RFX3: variants seen among roughly 807,000 people sequenced by gnomAD.
The protein encoded by RFX3 is regulatory factor X3, also known as transcription factor RFX3.
In RFX3, 14 loss-of-function variants were observed where a neutral mutation model predicts 98.6. The ratio of observed to expected loss-of-function variants is 0.14; its 90% CI spans 0.09 to 0.22. The LOEUF (loss-of-function observed/expected upper bound fraction) is 0.22. RFX3 is among the 10% of genes least tolerant of loss of function. The pLI, the probability that RFX3 is intolerant of heterozygous loss-of-function variation, is 1.00. For missense variants in RFX3, 639 were observed against 926.9 expected (o/e 0.69, Z 4.03); for synonymous variants, 383 against 328.4 (o/e 1.17, Z -1.80).
At chr9:3,303,485 G>C (rs1245526166) in intron 4 of RFX3, among the ~76,000 whole-genome samples, 1 of 151,710 alleles carries the variant, frequency 6.6e-6, no homozygotes, top group Non-Finnish European at 1.5e-5. Context: ...TTTCAGTCTA[G>C]TAAATATAAA....
intron 2 of RFX3, among the ~76,000 whole-genome samples, chr9:3,357,254 C>T (rs372515800): frequency 4.3e-4 from 65 of 151,956 alleles, no homozygotes; most frequent in African/African-American, 1.5e-3. Flanking sequence ...ATAGCCTCTC[C>T]GCTCCTTTAT....
chr9:3,292,061 C>CAAAAAA lies in RFX3; in HGVS notation c.731+1010_731+1015dup, dbSNP rs58788880. Among the ~76,000 whole-genome samples, 56 of 23,946 alleles carry CAAAAAA rather than the reference C, an allele frequency of 2.3e-3. 6 individuals are homozygous for CAAAAAA. The highest frequency in any genetic ancestry group is 6.5e-3 in the South Asian group (2 of 308). 15.7% of individuals were successfully genotyped at this position (23,946 alleles called of 152,430 possible). A position where few individuals can be genotyped will look rare whatever the true frequency, so the allele number is the denominator to read the frequency against. On this transcript the variant is annotated intron_variant, in intron 6 of 16. Transcript: ENST00000617270. Reference sequence around the variant, plus strand: ...ACAGAAACAGAGTGAGACTCCATCTCAAAAAAAAAAAAAAAAAAAAAAAAA... The same window carrying CAAAAAA: ...ACAGAAACAGAGTGAGACTCCATCTCAAAAAAAAAAAAAAAAAAAAAAAAAAAAAAA...
intron 1 of RFX3, among the ~76,000 whole-genome samples, chr9:3,523,222 T>C (rs1469762870): frequency 6.6e-6 from 1 of 152,186 alleles, no homozygotes; most frequent in Admixed American, 6.5e-5. Context: ...ATAGTTTTAG[T>C]TTCAAAGCAT....
chr9:3,235,308 G>A (rs775426308), intron 15 of RFX3, among the ~76,000 whole-genome samples: 1 of 152,168 alleles, frequency 6.6e-6, no homozygotes, highest in Non-Finnish European at 1.5e-5. Flanking sequence ...TTCAGCGTGG[G>A]TCATCAATGG....
chr9:3,522,624 T>C (rs1181946043), intron 1 of RFX3, among the ~76,000 whole-genome samples: 2 of 151,402 alleles, frequency 1.3e-5, no homozygotes, highest in Non-Finnish European at 2.9e-5. Flanking sequence ...TGCCCACCCA[T>C]TTAAACACAA....
intron 1 of RFX3, among the ~76,000 whole-genome samples, chr9:3,420,041 GA>G (rs1046925498): frequency 5.3e-5 from 8 of 152,186 alleles, no homozygotes; most frequent in Admixed American, 3.9e-4. Flanking sequence ...GCACAGGAGG[GA>G]GACTAGCTAA....
intron 15 of RFX3, among the ~76,000 whole-genome samples, chr9:3,232,821 TGA>T (rs1204257660): frequency 3.0e-5 from 3 of 99,870 alleles, no homozygotes; most frequent in Non-Finnish European, 6.0e-5. Flanking sequence ...GGATGTGGGG[TGA>T]GAGAGGGAGG....
chr9:3,510,968 A>C (rs568310025), intron 1 of RFX3, among the ~76,000 whole-genome samples: 28 of 152,022 alleles, frequency 1.8e-4, no homozygotes, highest in Non-Finnish European at 3.5e-4. Flanking sequence ...AAATAAGATC[A>C]TTTAATTAGT....
At chr9:3,399,298 G>C (rs1448395245) in intron 1 of RFX3, among the ~76,000 whole-genome samples, 1 of 148,150 alleles carries the variant, frequency 6.7e-6, no homozygotes, top group Non-Finnish European at 1.5e-5. Context: ...AAAAAAATCA[G>C]CTGGTCATGG....
chr9:3,323,027 G>A lies in RFX3; in HGVS notation c.474+7232C>T, dbSNP rs535747036. 3.5e-4 allele frequency among the ~76,000 whole-genome samples: 53 copies of A among 152,164 alleles called. 1 individual carries two copies. Among genetic ancestry groups the A allele is most frequent in the Admixed American group, 2.0e-4 (3 of 15,284 alleles). ...TATGTGTAAAATTATTTCTAAGTCCGTAGATTACAAAACTCCTATGTCATG... is the reference window on the plus strand; with the variant it reads ...TATGTGTAAAATTATTTCTAAGTCCATAGATTACAAAACTCCTATGTCATG... On this transcript the variant is annotated intron_variant, in intron 4 of 16. Transcript: ENST00000617270.
chr9:3,282,682 G>A (rs533573518), intron 7 of RFX3, among the ~76,000 whole-genome samples: 37 of 151,836 alleles, frequency 2.4e-4, no homozygotes, highest in Non-Finnish European at 5.0e-4. Context: ...GTATAGAACT[G>A]ATATATTCTT....
chr9:3,248,781 T>G (rs1821008658), intron 14 of RFX3, among the ~76,000 whole-genome samples: 1 of 152,214 alleles, frequency 6.6e-6, no homozygotes, highest in Admixed American at 6.5e-5. Flanking sequence ...TCCACTTAAA[T>G]TAAGGCACAT....
At chr9:3,500,370 G>A (rs983761044) in intron 1 of RFX3, among the ~76,000 whole-genome samples, 2 of 152,102 alleles carry the variant, frequency 1.3e-5, no homozygotes, top group Non-Finnish European at 2.9e-5. Context: ...TAAAAGAAAT[G>A]TGGATTCATT....
At chr9:3,371,041 T>C (rs574747415) in intron 2 of RFX3, among the ~76,000 whole-genome samples, 1 of 152,254 alleles carries the variant, frequency 6.6e-6, no homozygotes, top group South Asian at 2.1e-4. Flanking sequence ...TATTATTAAA[T>C]TATTTAATAT....
chr9:3,261,380 G>A (rs1822871735), intron 13 of RFX3, among the ~76,000 whole-genome samples: 3 of 152,004 alleles, frequency 2.0e-5, no homozygotes, highest in Non-Finnish European at 4.4e-5. Flanking sequence ...AATTTCATAC[G>A]AATGGAATCA....
intron 2 of RFX3, among the ~76,000 whole-genome samples, chr9:3,391,691 T>A (rs1159571382): frequency 6.6e-6 from 1 of 152,174 alleles, no homozygotes; most frequent in African/African-American, 2.4e-5. Flanking sequence ...TGTGTATGTA[T>A]AATCTTCTAT....
At chr9:3,500,518 G>C (rs140257877) in intron 1 of RFX3, among the ~76,000 whole-genome samples, 181 of 152,232 alleles carry the variant, frequency 1.2e-3, no homozygotes, top group Non-Finnish European at 2.2e-3. Context: ...AGTGATGTCA[G>C]CAGACACAAT....
At chr9:3,241,658 C>G (rs529537551) in intron 15 of RFX3, among the ~76,000 whole-genome samples, 1 of 152,204 alleles carries the variant, frequency 6.6e-6, no homozygotes, top group East Asian at 1.9e-4. Flanking sequence ...AGAAATTGTG[C>G]TAATGTAGAT....
intron 1 of RFX3, among the ~76,000 whole-genome samples, chr9:3,399,120 T>G (rs960497887): frequency 2.6e-5 from 4 of 151,556 alleles, no homozygotes. Context: ...CATTTAAAAA[T>G]CAGAAAACTT....
Sources: gnomAD v4.1 joint callset for allele counts (sites outside exome capture counted in the v4.1 genomes callset) on GRCh38, gnomAD v4.1.1 for gene constraint, MANE v1.5 for transcripts, NCBI Gene and HGNC (gene_info 2026-07-23, HGNC 2026-07-21) for gene names.